The following LRRC4C variants were observed in gnomAD, a reference collection of about 807,000 sequenced individuals.
The protein encoded by LRRC4C is leucine rich repeat containing 4C, also known as leucine-rich repeat-containing protein 4C.
In LRRC4C, 5 loss-of-function variants were observed where a neutral mutation model predicts 33.6. The ratio of observed to expected loss-of-function variants is 0.15; its 90% confidence interval spans 0.08 to 0.31. The LOEUF (loss-of-function observed/expected upper bound fraction) is 0.31. Among genes scored for constraint, LRRC4C ranks in the 10% least tolerant of loss-of-function variants. LRRC4C has a pLI of 1.00. For synonymous variants in LRRC4C, 329 were observed against 302.0 expected (o/e 1.09, Z -0.93); for missense variants, 560 against 796.7 (o/e 0.70, Z 3.58).
chr11:40,482,420 A>G (rs1953622787), intron 3 of LRRC4C, among the ~76,000 whole-genome samples: 2 of 152,168 alleles, frequency 1.3e-5, no homozygotes, highest in Non-Finnish European at 2.9e-5. Flanking sequence ...TAGAAATCAG[A>G]AAAGACAATA....
chr11:40,378,362 A>G (rs1948738007), intron 3 of LRRC4C, among the ~76,000 whole-genome samples: 1 of 152,038 alleles, frequency 6.6e-6, no homozygotes, highest in African/African-American at 2.4e-5. Context: ...TCATAATTGA[A>G]GTACCTGATC....
chr11:40,676,847 C>A (rs1944430193), intron 2 of LRRC4C, among the ~76,000 whole-genome samples: 1 of 152,064 alleles, frequency 6.6e-6, no homozygotes, highest in Non-Finnish European at 1.5e-5. Context: ...GCCTGTTAAT[C>A]CTAAAAACAT....
chr11:40,408,580 T>A (rs1281990722), intron 3 of LRRC4C, among the ~76,000 whole-genome samples: 2 of 151,958 alleles, frequency 1.3e-5, no homozygotes, highest in Admixed American at 1.3e-4. Context: ...AGTTAATAAA[T>A]GCAGAATAAG....
chr11:40,917,542 T>C (rs114717324), intron 2 of LRRC4C, among the ~76,000 whole-genome samples: 2,023 of 152,186 alleles, frequency 0.013, 53 homozygotes, highest in African/African-American at 0.047. Context: ...GATAACATTA[T>C]AACAACAGAC....
chr11:40,469,527 A>G (rs908143485), intron 3 of LRRC4C, among the ~76,000 whole-genome samples: 1 of 152,070 alleles, frequency 6.6e-6, no homozygotes, highest in African/African-American at 2.4e-5. Flanking sequence ...TACCAGCGAG[A>G]CAGAACTGTT....
In LRRC4C at chr11:40,301,413, A is replaced by G. The variant is rs531654053; in HGVS notation, c.-176+18215T>C. On this transcript the variant is annotated intron_variant, in intron 4 of 6. Transcript: ENST00000528697. ...CTTTGCACTGGGAAGAAAATTGCCC[A>G]TAAAGGTATCTTTAAAACTTCACCA... Among the ~76,000 whole-genome samples the G allele has an allele frequency of 3.3e-5, 5 of 152,348 alleles. No individual in the cohort carries two copies. The East Asian group carries it at 7.7e-4, about 23-fold the overall frequency.
chr11:40,590,554 C>G (rs1958993211), intron 3 of LRRC4C, among the ~76,000 whole-genome samples: 2 of 152,126 alleles, frequency 1.3e-5, no homozygotes. Flanking sequence ...GAGAGGCGCT[C>G]TGCTTTTTAG....
intron 5 of LRRC4C, among the ~76,000 whole-genome samples, chr11:40,218,076 G>T (rs1210217839): frequency 1.3e-5 from 2 of 152,086 alleles, no homozygotes; most frequent in African/African-American, 2.4e-5. Context: ...AATGTGACAG[G>T]TATATTTCAG....
intron 1 of LRRC4C, among the ~76,000 whole-genome samples, chr11:41,398,419 C>T (rs1337740870): frequency 1.3e-5 from 2 of 152,010 alleles, no homozygotes; most frequent in Non-Finnish European, 2.9e-5. Flanking sequence ...ATTCTTGAAA[C>T]TTCCTTTCAG....
intron 2 of LRRC4C, among the ~76,000 whole-genome samples, chr11:40,890,216 G>GT (rs1348738465): frequency 2.0e-5 from 3 of 152,230 alleles, no homozygotes; most frequent in African/African-American, 7.2e-5. Flanking sequence ...CACGAAGTAG[G>GT]TAATATATTA....
chr11:40,895,553 T>C (rs1955902120), intron 2 of LRRC4C, among the ~76,000 whole-genome samples: 1 of 152,180 alleles, frequency 6.6e-6, no homozygotes, highest in South Asian at 2.1e-4. Context: ...CTGTGCCTGC[T>C]GAAGCAGATA....
chr11:40,485,530 AG>A (rs2138448853), intron 3 of LRRC4C, among the ~76,000 whole-genome samples: 1 of 152,160 alleles, frequency 6.6e-6, no homozygotes, highest in Non-Finnish European at 1.5e-5. Flanking sequence ...TTCAGGAAAA[AG>A]ATGGATGCTA....
intron 2 of LRRC4C, among the ~76,000 whole-genome samples, chr11:40,756,708 A>C (rs1948966446): frequency 6.6e-6 from 1 of 152,112 alleles, no homozygotes; most frequent in Admixed American, 6.6e-5. Context: ...CTTTGCTAAT[A>C]TTTAATGTGA....
At chr11:40,974,219 C>T (rs550365251) in intron 1 of LRRC4C, among the ~76,000 whole-genome samples, 88 of 152,206 alleles carry the variant, frequency 5.8e-4, no homozygotes, top group Non-Finnish European at 4.4e-4. Flanking sequence ...TAACATTTGA[C>T]GTGAGTTCTA....
At chr11:41,025,168 G>A (rs1565312343) in intron 1 of LRRC4C, among the ~76,000 whole-genome samples, 1 of 151,548 alleles carries the variant, frequency 6.6e-6, no homozygotes, top group Non-Finnish European at 1.5e-5. Flanking sequence ...TGGCCTTTAA[G>A]TTTGCCAGTG....
chr11:40,887,657 G>A (rs1370730645), intron 2 of LRRC4C, among the ~76,000 whole-genome samples: 1 of 151,972 alleles, frequency 6.6e-6, no homozygotes, highest in Non-Finnish European at 1.5e-5. Flanking sequence ...TTTGGTACTA[G>A]TTTGGAAGAG....
chr11:40,842,097 G>T (rs2135656749), intron 2 of LRRC4C, among the ~76,000 whole-genome samples: 1 of 152,284 alleles, frequency 6.6e-6, no homozygotes, highest in East Asian at 1.9e-4. Context: ...ACAGTGCAAG[G>T]TTATTACGCA....
intron 6 of LRRC4C, among the ~76,000 whole-genome samples, chr11:40,126,087 C>T (rs543924583): frequency 8.0e-5 from 12 of 150,532 alleles, no homozygotes; most frequent in African/African-American, 2.9e-4. Flanking sequence ...GTCAAGTTAA[C>T]AAGCAGCTGT....
At chr11:40,895,969 T>C (rs1197938184) in intron 2 of LRRC4C, among the ~76,000 whole-genome samples, 1 of 152,060 alleles carries the variant, frequency 6.6e-6, no homozygotes, top group Admixed American at 6.6e-5. Flanking sequence ...AAGAAAGGCA[T>C]AAAATCTCCT....
Sources: gnomAD v4.1 joint callset for allele counts (sites outside exome capture counted in the v4.1 genomes callset) on GRCh38, gnomAD v4.1.1 for gene constraint, MANE v1.5 for transcripts, NCBI Gene and HGNC (gene_info 2026-07-23, HGNC 2026-07-21) for gene names.